PARN: variants seen among roughly 807,000 people sequenced by gnomAD.
The protein encoded by PARN is poly(A)-specific ribonuclease PARN.
PARN carries 71 observed loss-of-function variants against 102.8 expected under a neutral mutation model. That is an observed-to-expected ratio of 0.69 (90% CI 0.57 to 0.84). The LOEUF (loss-of-function observed/expected upper bound fraction) is 0.84, where lower values mean the gene tolerates loss of function less well. Among genes scored for constraint, PARN ranks in the 40% least tolerant of loss-of-function variants. PARN has a pLI of 0.00. For synonymous variants in PARN, 261 were observed against 252.9 expected, an observed-to-expected ratio of 1.03 and a Z score of -0.30; for missense variants, 782 against 760.9, an observed-to-expected ratio of 1.03 and a Z score of -0.33.
chr16:14,512,602 G>C (rs893959728), intron 21 of PARN, among the ~76,000 whole-genome samples: 2 of 152,186 alleles, frequency 1.3e-5, no homozygotes, highest in African/African-American at 4.8e-5. Context: ...TCTTGCTCCA[G>C]ATGTGCATGC....
At chr16:14,525,657 G>A (rs1179524789) in intron 21 of PARN, among the ~76,000 whole-genome samples, 1 of 152,068 alleles carries the variant, frequency 6.6e-6, no homozygotes, top group Non-Finnish European at 1.5e-5. Flanking sequence ...GCCTATGACA[G>A]AGCCGCTCAG....
At chr16:14,450,440 G>A (rs1009531817) in intron 22 of PARN, among the ~76,000 whole-genome samples, 1 of 152,132 alleles carries the variant, frequency 6.6e-6, no homozygotes, top group Non-Finnish European at 1.5e-5. Context: ...ACCCTCTGAG[G>A]ATAGACTGAA....
At chr16:14,534,688 G>C (rs780310689) in intron 21 of PARN, among the ~76,000 whole-genome samples, 7 of 152,066 alleles carry the variant, frequency 4.6e-5, no homozygotes, top group Non-Finnish European at 5.9e-5. Context: ...CATAGGAGGA[G>C]TAGCAGCTGC....
At chr16:14,445,990 A>G (rs2049564432) in intron 23 of PARN, among the ~76,000 whole-genome samples, 1 of 152,266 alleles carries the variant, frequency 6.6e-6, no homozygotes, top group Non-Finnish European at 1.5e-5. Flanking sequence ...TTTAAATGAA[A>G]GAATTTCAGT....
At chr16:14,444,184 A>G (rs1961086357) in intron 23 of PARN, among the ~76,000 whole-genome samples, 1 of 152,198 alleles carries the variant, frequency 6.6e-6, no homozygotes, top group Admixed American at 6.5e-5. Flanking sequence ...CCAGGTGGAA[A>G]GGATCCATTA....
chr16:14,503,082 G>A (rs988688564), intron 21 of PARN, among the ~76,000 whole-genome samples: 4 of 152,012 alleles, frequency 2.6e-5, no homozygotes, highest in African/African-American at 9.7e-5. Flanking sequence ...ACCCCGCTGC[G>A]CCCCTGAGTG....
intron 21 of PARN, among the ~76,000 whole-genome samples, chr16:14,521,691 G>A (rs899006271): frequency 3.3e-5 from 5 of 151,944 alleles, no homozygotes; most frequent in South Asian, 2.1e-4. Context: ...CCAGCTACAC[G>A]GGAGGGAGGC....
intron 22 of PARN, among the ~76,000 whole-genome samples, chr16:14,449,759 C>T (rs1961369816): frequency 6.6e-6 from 1 of 152,148 alleles, no homozygotes; most frequent in South Asian, 2.1e-4. Flanking sequence ...ATTCATAATG[C>T]AAAATAAAAC....
chr16:14,446,841 T>C (rs1961220425), intron 23 of PARN, 47 bp downstream of exon 23: 2 of 1,414,342 alleles, frequency 1.4e-6, no homozygotes, highest in Admixed American at 2.1e-5. Context: ...TTCTAGAGCA[T>C]TTAAATAGTC....
At chr16:14,475,808 T>G (rs2151589431) in intron 22 of PARN, among the ~76,000 whole-genome samples, 1 of 152,342 alleles carries the variant, frequency 6.6e-6, no homozygotes, top group Admixed American at 6.5e-5. Context: ...ATTTTTACAT[T>G]TATATCTATG....
intron 21 of PARN, among the ~76,000 whole-genome samples, chr16:14,550,992 ACT>A (rs1194692362): frequency 6.6e-6 from 1 of 151,312 alleles, no homozygotes; most frequent in Non-Finnish European, 1.5e-5. Flanking sequence ...ACAGGGTCTC[ACT>A]CTGTCGCCCA....
chr16:14,478,115 A>C (rs1219661175), intron 22 of PARN, among the ~76,000 whole-genome samples: 1 of 152,132 alleles, frequency 6.6e-6, no homozygotes, highest in Non-Finnish European at 1.5e-5. Flanking sequence ...CAAAGGTTCA[A>C]GACCAGCCTG....
intron 21 of PARN, among the ~76,000 whole-genome samples, chr16:14,542,820 C>A (rs996600425): frequency 1.3e-5 from 2 of 151,968 alleles, no homozygotes; most frequent in Non-Finnish European, 2.9e-5. Flanking sequence ...AGGAACAGAG[C>A]ATTAGGAAAT....
Position 14,436,682 on chromosome 16 carries a change from G to C in PARN, c.*35C>G. ...GTGCCAGCCGGCTCTTGCTCACAGC[G>C]ACAGCACCAGCGGTTTGCTGCCCTC... On this transcript the variant is annotated 3_prime_UTR_variant, in exon 24 of 24. Coordinates refer to ENST00000437198, the MANE Select transcript of PARN (RefSeq NM_002582.4). The C allele has an allele frequency of 6.6e-7, 1 of 1,518,260 alleles. No homozygotes were observed. Among genetic ancestry groups the C allele is most frequent in the Admixed American group, 1.8e-5 (1 of 54,502 alleles). 94.0% of individuals were successfully genotyped at this position (1,518,260 alleles called of 1,614,324 possible).
intron 18 of PARN, among the ~76,000 whole-genome samples, chr16:14,578,075 T>TC (rs1969258765): frequency 6.6e-6 from 1 of 150,762 alleles, no homozygotes; most frequent in South Asian, 2.1e-4. Flanking sequence ...ACGCCTGTAA[T>TC]CCCAACACTT....
At chr16:14,468,691 C>T (rs888779890) in intron 22 of PARN, among the ~76,000 whole-genome samples, 2 of 152,144 alleles carry the variant, frequency 1.3e-5, no homozygotes, top group African/African-American at 4.8e-5. Context: ...TCTAGTTTCA[C>T]AGTTCTACTC....
chr16:14,531,861 G>T (rs1178026022), intron 21 of PARN, among the ~76,000 whole-genome samples: 2 of 148,352 alleles, frequency 1.3e-5, no homozygotes, highest in African/African-American at 5.0e-5. Flanking sequence ...TTTAAAACTT[G>T]TATTCAACCT....
At chr16:14,619,741 C>T (rs758467913) in intron 5 of PARN, among the ~76,000 whole-genome samples, 4 of 151,372 alleles carry the variant, frequency 2.6e-5, no homozygotes. Context: ...TGGACTCCAG[C>T]GTGGGTGACA....
At chr16:14,448,784 AG>A (rs1002057377) in intron 22 of PARN, among the ~76,000 whole-genome samples, 3 of 152,160 alleles carry the variant, frequency 2.0e-5, no homozygotes, top group African/African-American at 7.2e-5. Flanking sequence ...AAGAGGCTGG[AG>A]CACTCTTCCT....
Sources: gnomAD v4.1 joint callset for allele counts (sites outside exome capture counted in the v4.1 genomes callset) on GRCh38, gnomAD v4.1.1 for gene constraint, MANE v1.5 for transcripts, NCBI Gene and HGNC (gene_info 2026-07-23, HGNC 2026-07-21) for gene names.